CDH15: variants seen among roughly 807,000 people sequenced by gnomAD.
CDH15 encodes the protein cadherin-15.
Under a neutral mutation model 69.4 loss-of-function variants are expected in CDH15, and 73 were observed. That is an observed-to-expected ratio of 1.05 (90% CI 0.87 to 1.28). CDH15 has a LOEUF of 1.28. CDH15 is among the 50% of genes most tolerant of loss of function. The pLI, the probability that CDH15 is intolerant of heterozygous loss-of-function variation, is 0.00. For synonymous variants in CDH15, 624 were observed against 507.7 expected (o/e 1.23, Z -3.08); for missense variants, 1,343 against 1,133.6 (o/e 1.18, Z -2.65).
intron 8 of CDH15, among the ~76,000 whole-genome samples, chr16:89,191,117 C>G (rs899652553): frequency 6.7e-6 from 1 of 150,338 alleles, no homozygotes; most frequent in Non-Finnish European, 1.5e-5. Context: ...TGTGTGTGTG[C>G]TGTGCATGCC....
chr16:89,191,429 C>G lies in CDH15; in HGVS notation c.1332C>G (p.Leu444=). The G allele has an allele frequency of 6.2e-7, 1 of 1,612,778 alleles. No individual in the cohort carries two copies. Among genetic ancestry groups the G allele is most frequent in the Non-Finnish European group, 8.5e-7 (1 of 1,180,002 alleles). Residue 444 remains leucine, a synonymous_variant, in exon 9 of 14, where the codon CTC becomes CTG. Coordinates refer to ENST00000289746, the MANE Select transcript of CDH15 (RefSeq NM_004933.3). The part of the protein sequence containing the change: ...QHVLSPASPF[L]KGGWYRAIVL... ...TGCTCAGCCCGGCGTCCCCCTTCCT[C>G]AAGGGCGGCTGGTACAGAGCCATCG...
At chr16:89,174,377 G>T (rs1915216050) in intron 1 of CDH15, among the ~76,000 whole-genome samples, 1 of 152,208 alleles carries the variant, frequency 6.6e-6, no homozygotes, top group African/African-American at 2.4e-5. Flanking sequence ...ACGCCACCAA[G>T]CGTGTTCCTA....
At chr16:89,193,199 C>T (rs992311148) in intron 11 of CDH15, among the ~76,000 whole-genome samples, 1 of 107,852 alleles carries the variant, frequency 9.3e-6, no homozygotes, top group African/African-American at 3.7e-5. Flanking sequence ...CCCCTCGTTG[C>T]CAGCCACGCC....
chr16:89,180,221 C>A lies in CDH15; in HGVS notation c.223C>A (p.Leu75Met), dbSNP rs1470503188. The A allele has an allele frequency of 1.1e-5, 18 of 1,610,706 alleles. No homozygotes were observed. The highest frequency in any genetic ancestry group is 1.5e-5 in the Non-Finnish European group (18 of 1,179,032). ...LVQIKSDKQQLGSVIYSIQGP... is the reference protein window; with the variant it reads ...LVQIKSDKQQMGSVIYSIQGP... ...ACAGATCAAGTCGGACAAGCAGCAG[C>A]TGGGCAGCGTCATCTACAGCATCCA... Residue 75 changes from leucine to methionine, a missense_variant, in exon 3 of 14, where the codon CTG becomes ATG. By Grantham distance (15) the Leu-to-Met change is conservative. Transcript: ENST00000289746.
intron 7 of CDH15, among the ~76,000 whole-genome samples, chr16:89,189,933 G>T (rs533749882): frequency 1.3e-5 from 2 of 152,316 alleles, no homozygotes; most frequent in East Asian, 3.9e-4. Flanking sequence ...CACCCAGGAC[G>T]ATCTCCTTTA....
Position 89,176,586 on chromosome 16 carries a change from G to A in CDH15, c.43-2830G>A, listed in dbSNP as rs994415384. Among the ~76,000 whole-genome samples, 11 of 152,184 alleles carry A rather than the reference G, an allele frequency of 7.2e-5. 1 individual carries two copies. The highest frequency in any genetic ancestry group is 2.7e-4 in the African/African-American group (11 of 41,454). ...GAGCTGTTCTAGGTGTTGGTGTGGC[G>A]TGGCCGGCACACCTCTGTAGTAGGC... On this transcript the variant is annotated intron_variant, in intron 1 of 13. Coordinates refer to ENST00000289746, the MANE Select transcript of CDH15 (RefSeq NM_004933.3).
chr16:89,194,834 GTCTTGAGC>G lies in CDH15; in HGVS notation c.2152-24_2152-17del. 2 of 1,584,672 alleles carry G rather than the reference GTCTTGAGC, an allele frequency of 1.3e-6. No individual in the cohort carries two copies. ...GGGGCACCCGCTGGCCCCTCCATGTGTCTTGAGCTCTCCGGGCCTCTTTATAGGGCTTG... is the reference window on the plus strand; with the variant it reads ...GGGGCACCCGCTGGCCCCTCCATGTGTCTCCGGGCCTCTTTATAGGGCTTG... On this transcript the variant is annotated intron_variant, in intron 13 of 13. Coordinates refer to ENST00000289746, the MANE Select transcript of CDH15 (RefSeq NM_004933.3).
Position 89,195,100 on chromosome 16 carries a change from G to C in CDH15, c.2390G>C (p.Arg797Thr). ...GGGGCCAGATGGGACCACCAGGCCA[G>C]GGAGGGTCTTTCTCCTGGGGCACTG... Reference protein sequence around the residue: ...EYGARWDHQAREGLSPGALLP... With the variant: ...EYGARWDHQATEGLSPGALLP... Residue 797 changes from arginine to threonine, a missense_variant, in exon 14 of 14, where the codon AGG (arginine) becomes ACG (threonine). By Grantham distance (71) the Arg-to-Thr change is moderately conservative. Coordinates refer to ENST00000289746, the MANE Select transcript of CDH15 (RefSeq NM_004933.3). The C allele has an allele frequency of 1.9e-6, 3 of 1,609,676 alleles. No individual in the cohort carries two copies. The highest frequency in any genetic ancestry group is 2.5e-6 in the Non-Finnish European group (3 of 1,177,878).
intron 1 of CDH15, among the ~76,000 whole-genome samples, chr16:89,175,203 G>A (rs1427012946): frequency 1.3e-5 from 2 of 152,234 alleles, no homozygotes; most frequent in Non-Finnish European, 2.9e-5. Flanking sequence ...GAGGGTCTCC[G>A]GTGGAGGCAG....
In CDH15 at chr16:89,185,953, C is replaced by T. The variant is rs139978018; in HGVS notation, c.663+620C>T. The T allele has an allele frequency of 6.5e-3, 958 of 147,478 alleles. 12 individuals carry two copies. Among genetic ancestry groups the T allele is most frequent in the Non-Finnish European group, 9.6e-3 (641 of 66,630 alleles). The allele number at this position is 147,478 out of a possible 1,614,324, so 9.1% of individuals were successfully genotyped here. A position where few individuals can be genotyped will look rare whatever the true frequency, so the allele number is the denominator to read the frequency against. ...CAGCACACAGTAGGTGCTCTGTAAACGCTTACCCAGCGCAGAGTAGGTGCT... is the reference window on the plus strand; with the variant it reads ...CAGCACACAGTAGGTGCTCTGTAAATGCTTACCCAGCGCAGAGTAGGTGCT... On this transcript the variant is annotated intron_variant, in intron 5 of 13. Coordinates refer to ENST00000289746, the MANE Select transcript of CDH15 (RefSeq NM_004933.3).
Position 89,193,913 on chromosome 16 carries a change from T to C in CDH15, c.2151T>C (p.Asp717=), listed in dbSNP as rs1915721605. 1 of 1,611,922 alleles carries C rather than the reference T, an allele frequency of 6.2e-7. No individual in the cohort carries two copies. Among genetic ancestry groups the C allele is most frequent in the East Asian group, 2.2e-5 (1 of 44,834 alleles). ...SPLDIADFIN[D]GLEAADSDPS... ...TGGACATCGCCGACTTCATCAATGA[T>C]GTAGGTGCTCCTGGGGACACCCCAG... The change falls in exon 13 of 14, where the codon GAT becomes GAC. Residue 717 remains aspartate (D), a splice_region_variant and synonymous_variant. Transcript: ENST00000289746.
At chr16:89,191,125 G>T (rs1364094890) in intron 8 of CDH15, among the ~76,000 whole-genome samples, 1 of 149,036 alleles carries the variant, frequency 6.7e-6, no homozygotes, top group Non-Finnish European at 1.5e-5. Flanking sequence ...TGCTGTGCAT[G>T]CCCATGTATG....
intron 7 of CDH15, among the ~76,000 whole-genome samples, chr16:89,188,782 A>G (rs181989056): frequency 1.9e-3 from 275 of 141,372 alleles, no homozygotes; most frequent in East Asian, 6.6e-3. Context: ...CCACACACAG[A>G]TGCCCACGCA....
At chr16:89,187,165 G>A (rs546280292) in intron 5 of CDH15, among the ~76,000 whole-genome samples, 44 of 151,236 alleles carry the variant, frequency 2.9e-4, no homozygotes, top group African/African-American at 8.5e-4. Context: ...CTTACCCAGC[G>A]CACAGTAGGT....
At chr16:89,191,307 A>T in intron 8 of CDH15, 23 bp from the exon 9 acceptor site, 1 of 1,611,872 alleles carries the variant, frequency 6.2e-7, no homozygotes, top group Non-Finnish European at 8.5e-7. Context: ...CTCAGATCCC[A>T]CTCTTCCCCT....
At position 89,191,673 on chromosome 16, in the gene CDH15, C is replaced by CCACCGG. The variant is rs1915645297; in HGVS notation, c.1399_1404dup (p.Gly467_Thr468dup). 1 of 1,595,436 alleles carries CCACCGG rather than the reference C, an allele frequency of 6.3e-7. No homozygotes were observed. The highest frequency in any genetic ancestry group is 1.7e-5 in the Admixed American group (1 of 58,338). ...CCTGCAGCCTCCCAGCCCCGCACCG[C>CCACCGG]CACCGGCACCCTGTCCATCGAGATC... On this transcript the variant is annotated inframe_insertion, in exon 10 of 14. Transcript: ENST00000289746.
In CDH15 at chr16:89,192,347, C is replaced by T. The variant is rs766224650; in HGVS notation, c.1758C>T (p.Gly586=). The part of the protein sequence containing the change: ...NVTVCRCGKD[G]VCLPGAAALL... ...CCGTGTGCCGCTGCGGCAAGGACGG[C>T]GTCTGCCTGCCGGGGGCCGCAGCGC... is the stretch of plus-strand genomic sequence containing the variant. Residue 586 remains glycine (G), a synonymous_variant, in exon 11 of 14, where the codon GGC becomes GGT. Coordinates refer to ENST00000289746, the MANE Select transcript of CDH15 (RefSeq NM_004933.3). 3 of 1,536,060 alleles carry T rather than the reference C, an allele frequency of 2.0e-6. No individual in the cohort carries two copies. Among genetic ancestry groups the T allele is most frequent in the Middle Eastern group, 1.9e-4 (1 of 5,188 alleles).
At position 89,171,820 on chromosome 16, in the gene CDH15, G is replaced by T. The variant is rs117058444; in HGVS notation, c.-12G>T. On this transcript the variant is annotated 5_prime_UTR_variant, in exon 1 of 14. Transcript: ENST00000289746. ...GCGGGTGCACTCCGGCCCGGCTCCC[G>T]CCTCGGCCCCGATGGACGCCGCGTT... The T allele has an allele frequency of 6.4e-7, 1 of 1,552,268 alleles. No individual in the cohort carries two copies. The highest frequency in any genetic ancestry group is 8.7e-7 in the Non-Finnish European group (1 of 1,152,184).
At position 89,184,868 on chromosome 16, in the gene CDH15, C is replaced by T. The variant is rs569194072; in HGVS notation, c.503-305C>T. ...AGGAGCCAGCACCTGACCCAGGTCGCATCCAATGCTCCTGTGCTCCGACCC... is the reference window on the plus strand; with the variant it reads ...AGGAGCCAGCACCTGACCCAGGTCGTATCCAATGCTCCTGTGCTCCGACCC... On this transcript the variant is annotated intron_variant, in intron 4 of 13. Transcript: ENST00000289746. 1.9e-3 allele frequency among the ~76,000 whole-genome samples: 297 copies of T among 152,368 alleles called. 1 individual carries two copies. Among genetic ancestry groups the T allele is most frequent in the African/African-American group, 6.2e-3 (257 of 41,588 alleles).
Sources: gnomAD v4.1 joint callset for allele counts (sites outside exome capture counted in the v4.1 genomes callset) on GRCh38, gnomAD v4.1.1 for gene constraint, MANE v1.5 for transcripts, NCBI Gene and HGNC (gene_info 2026-07-23, HGNC 2026-07-21) for gene names.